CACNA2D3: variants seen among roughly 807,000 people sequenced by gnomAD.
The protein encoded by CACNA2D3 is voltage-dependent calcium channel subunit alpha-2/delta-3.
A neutral mutation model predicts 160.6 loss-of-function variants in CACNA2D3; 60 were observed. The observed-to-expected ratio is 0.37, with a 90% confidence interval of 0.30 to 0.46. CACNA2D3 has a LOEUF of 0.46. Among genes scored for constraint, CACNA2D3 ranks in the 20% least tolerant of loss-of-function variants. The pLI is 1.00. For missense variants in CACNA2D3, 1,205 were observed against 1,365.0 expected (o/e 0.88, Z 1.85); for synonymous variants, 558 against 492.9 (o/e 1.13, Z -1.75).
rs546437332 is a variant in CACNA2D3 at position 54,290,510 on chromosome 3, A to G, written c.205-29932A>G. On this transcript the variant is annotated intron_variant, in intron 2 of 37. Transcript: ENST00000474759. ...GTGGAAGTCAGTGTGGCGATTCCTCAGGGATCTAGAACTAGAAATACCATT... is the reference window on the plus strand; with the variant it reads ...GTGGAAGTCAGTGTGGCGATTCCTCGGGGATCTAGAACTAGAAATACCATT... 5.4e-3 allele frequency among the ~76,000 whole-genome samples: 781 copies of G among 145,980 alleles called. 9 individuals are homozygous for G. Among genetic ancestry groups the G allele is most frequent in the African/African-American group, 0.02 (725 of 35,808 alleles).
chr3:54,573,588 G>A (rs554465055), intron 8 of CACNA2D3, among the ~76,000 whole-genome samples: 5 of 152,318 alleles, frequency 3.3e-5, no homozygotes, highest in South Asian at 2.1e-4. Context: ...AGTGCAGTGC[G>A]TACAGTGCAC....
intron 2 of CACNA2D3, among the ~76,000 whole-genome samples, chr3:54,196,537 A>G (rs1195934225): frequency 1.3e-5 from 2 of 152,222 alleles, no homozygotes; most frequent in African/African-American, 2.4e-5. Flanking sequence ...ATTTGTTGCT[A>G]TGAAAATTAT....
At chr3:54,965,538 C>A (rs1038500051) in intron 27 of CACNA2D3, among the ~76,000 whole-genome samples, 1 of 152,184 alleles carries the variant, frequency 6.6e-6, no homozygotes, top group Non-Finnish European at 1.5e-5. Flanking sequence ...GTAGCTTTTA[C>A]AATGGATCTA....
chr3:54,971,974 T>C (rs1702283452), intron 29 of CACNA2D3, among the ~76,000 whole-genome samples: 1 of 151,958 alleles, frequency 6.6e-6, no homozygotes. Context: ...CTGGAAATGA[T>C]AAGCATTCAA....
intron 27 of CACNA2D3, among the ~76,000 whole-genome samples, chr3:54,936,023 C>T (rs997975320): frequency 6.6e-5 from 10 of 152,054 alleles, no homozygotes; most frequent in South Asian, 2.1e-4. Context: ...TCAAAAATAC[C>T]GCCTCCAACA....
rs548514626 is a variant in CACNA2D3 at position 54,149,269 on chromosome 3, A to G, written c.204+25675A>G. On this transcript the variant is annotated intron_variant, in intron 2 of 37. Coordinates refer to ENST00000474759, the MANE Select transcript of CACNA2D3 (RefSeq NM_018398.3). ...CACTACAGCAAGGGGTCCCATGTGCACACACACACACACACACACACACAC... is the reference window on the plus strand; with the variant it reads ...CACTACAGCAAGGGGTCCCATGTGCGCACACACACACACACACACACACAC... 1.7e-3 allele frequency among the ~76,000 whole-genome samples: 239 copies of G among 143,880 alleles called. 2 individuals are homozygous for G. Among genetic ancestry groups the G allele is most frequent in the African/African-American group, 5.5e-3 (209 of 37,982 alleles). 94.4% of individuals were successfully genotyped at this position (143,880 alleles called of 152,430 possible). A position where few individuals can be genotyped will look rare whatever the true frequency, so the allele number is the denominator to read the frequency against.
chr3:54,695,667 G>A (rs902112653), intron 11 of CACNA2D3, among the ~76,000 whole-genome samples: 1 of 152,006 alleles, frequency 6.6e-6, no homozygotes, highest in African/African-American at 2.4e-5. Context: ...TTCTTAATTT[G>A]CAATTCTTTC....
intron 5 of CACNA2D3, among the ~76,000 whole-genome samples, chr3:54,549,931 G>A (rs780299364): frequency 2.0e-5 from 3 of 152,166 alleles, no homozygotes; most frequent in Non-Finnish European, 4.4e-5. Context: ...TCTCTCTTCC[G>A]AAAGGTTAAA....
At chr3:54,689,010 A>AAAAAAAAGAGAG (rs1553785965) in intron 11 of CACNA2D3, among the ~76,000 whole-genome samples, 3 of 85,496 alleles carry the variant, frequency 3.5e-5, no homozygotes, top group Non-Finnish European at 6.6e-5. Flanking sequence ...AAAAAAAAAA[A>AAAAAAAAGAGAG]AGAATGAGGT....
chr3:55,038,907 T>TATATATATATAC (rs1553636480), intron 35 of CACNA2D3, among the ~76,000 whole-genome samples: 6 of 113,068 alleles, frequency 5.3e-5, no homozygotes, highest in African/African-American at 1.9e-4. Context: ...TATATATATA[T>TATATATATATAC]ACACACACTG....
intron 13 of CACNA2D3, among the ~76,000 whole-genome samples, chr3:54,769,389 T>C (rs1702278315): frequency 1.3e-5 from 2 of 152,152 alleles, no homozygotes; most frequent in Non-Finnish European, 2.9e-5. Flanking sequence ...TGATGTTTTG[T>C]TGGTATTGAT....
At chr3:54,380,918 A>G (rs1457171755) in intron 3 of CACNA2D3, among the ~76,000 whole-genome samples, 1 of 152,204 alleles carries the variant, frequency 6.6e-6, no homozygotes, top group African/African-American at 2.4e-5. Context: ...ATTAATGACA[A>G]TTCAATAACT....
chr3:54,744,558 A>T (rs935257357), intron 11 of CACNA2D3, among the ~76,000 whole-genome samples: 9 of 152,190 alleles, frequency 5.9e-5, no homozygotes, highest in African/African-American at 2.2e-4. Context: ...TTATAGCTCT[A>T]GTGTTCCTGA....
chr3:55,009,805 A>G (rs1359108972), intron 34 of CACNA2D3, among the ~76,000 whole-genome samples: 3 of 152,180 alleles, frequency 2.0e-5, no homozygotes, highest in South Asian at 2.1e-4. Context: ...TAGCCATTCT[A>G]TTTCTGTTTT....
At chr3:54,518,692 G>A (rs1481384486) in intron 5 of CACNA2D3, among the ~76,000 whole-genome samples, 2 of 152,198 alleles carry the variant, frequency 1.3e-5, no homozygotes, top group Non-Finnish European at 2.9e-5. Context: ...GGAGTTCGAT[G>A]AAGGAGATAC....
At chr3:54,701,732 C>G (rs953215373) in intron 11 of CACNA2D3, among the ~76,000 whole-genome samples, 5 of 152,118 alleles carry the variant, frequency 3.3e-5, no homozygotes, top group Non-Finnish European at 7.4e-5. Context: ...TTTCACAGAA[C>G]TAGAATAAAC....
intron 2 of CACNA2D3, among the ~76,000 whole-genome samples, chr3:54,156,720 A>C (rs6803515): frequency 0.53 from 80,157 of 152,002 alleles, 21,795 homozygotes; most frequent in African/African-American, 0.66. Context: ...GAAGCGCTGG[A>C]CAACCGTTAG....
intron 5 of CACNA2D3, among the ~76,000 whole-genome samples, chr3:54,511,228 C>T (rs1701453793): frequency 1.3e-5 from 2 of 152,320 alleles, no homozygotes; most frequent in East Asian, 3.9e-4. Flanking sequence ...CATCCTCTGC[C>T]CCCTCATTTA....
intron 5 of CACNA2D3, among the ~76,000 whole-genome samples, chr3:54,561,384 G>A (rs764397981): frequency 3.9e-5 from 6 of 152,118 alleles, no homozygotes; most frequent in South Asian, 2.1e-4. Context: ...CTTCACTGTC[G>A]TTAGTGTATA....
Sources: gnomAD v4.1 joint callset for allele counts (sites outside exome capture counted in the v4.1 genomes callset) on GRCh38, gnomAD v4.1.1 for gene constraint, MANE v1.5 for transcripts, NCBI Gene and HGNC (gene_info 2026-07-23, HGNC 2026-07-21) for gene names.